MGLL: variants seen among roughly 807,000 people sequenced by gnomAD.
MGLL encodes monoglyceride lipase.
MGLL carries 7 observed loss-of-function variants against 29.1 expected under a neutral mutation model. The observed-to-expected ratio is 0.24, with a 90% CI of 0.14 to 0.45. MGLL has a LOEUF of 0.45. Ranked by LOEUF, MGLL falls within the 20% of genes least tolerant of loss-of-function variation. The pLI is 0.99. For synonymous variants in MGLL, 148 were observed against 168.3 expected (o/e 0.88, Z 0.93); for missense variants, 356 against 413.6 (o/e 0.86, Z 1.21).
chr3:127,806,725 C>A (rs1464184452), intron 2 of MGLL, among the ~76,000 whole-genome samples: 1 of 151,848 alleles, frequency 6.6e-6, no homozygotes, highest in Non-Finnish European at 1.5e-5. Context: ...GAATGGATGG[C>A]TGGATAAATA....
intron 3 of MGLL, among the ~76,000 whole-genome samples, chr3:127,726,156 GAAAGAAAGAAAGAAAGAAAGAAAGAAAGA>G (rs1361816650): frequency 2.3e-4 from 6 of 25,772 alleles, no homozygotes; most frequent in South Asian, 8.6e-4. Context: ...AAGAAAGAAA[GAAAGAAAGAAAGAAAGAAAGAAAGAAAGA>G]AAAGAAAAGA....
At chr3:127,806,261 C>T (rs975346704) in intron 2 of MGLL, among the ~76,000 whole-genome samples, 7 of 152,370 alleles carry the variant, frequency 4.6e-5, no homozygotes, top group African/African-American at 1.7e-4. Flanking sequence ...GCTGTGAGCC[C>T]TTGGAAGGCA....
At position 127,722,519 on chromosome 3, in the gene MGLL, G is replaced by A. The variant is rs1227425924; in HGVS notation, c.310C>T (p.His104Tyr). 1 of 1,614,216 alleles carries A rather than the reference G, an allele frequency of 6.2e-7. No homozygotes were observed. Among genetic ancestry groups the A allele is most frequent in the Non-Finnish European group, 8.5e-7 (1 of 1,180,044 alleles). ...EGERMVVSDF[H>Y]VFVRDVLQHV... The stretch of plus-strand genomic sequence containing the variant: ...TGCAACACATCCCTGACGAAAACGT[G>A]GAAGTCAGACACTACCATCCTCTCC... The change falls in exon 4 of 8, where the codon CAC (histidine) becomes TAC (tyrosine). Residue 104 changes from histidine to tyrosine, a missense_variant. His to Tyr is a moderately conservative substitution (Grantham distance 83, BLOSUM62 2). Coordinates refer to ENST00000265052, the MANE Select transcript of MGLL (RefSeq NM_007283.7).
chr3:127,784,861 A>G (rs2077186662), intron 2 of MGLL, among the ~76,000 whole-genome samples: 1 of 152,156 alleles, frequency 6.6e-6, no homozygotes, highest in South Asian at 2.1e-4. Context: ...GCAAAGCGAA[A>G]TCAAATCATG....
At chr3:127,758,406 G>A (rs2076701495) in intron 3 of MGLL, among the ~76,000 whole-genome samples, 1 of 152,268 alleles carries the variant, frequency 6.6e-6, no homozygotes, top group South Asian at 2.1e-4. Flanking sequence ...CATGCCTGGA[G>A]TTGGTAACTG....
rs570578602 is a variant in MGLL, at chr3:127,721,834, T to C, written c.399+596A>G. Among the ~76,000 whole-genome samples, 5 of 147,150 alleles carry C rather than the reference T, an allele frequency of 3.4e-5. No homozygotes were observed. The South Asian group carries it at 1.1e-3, about 32-fold the overall frequency. On this transcript the variant is annotated intron_variant, in intron 4 of 7. Transcript: ENST00000265052. ...AGGCCTTCAAATTCAAGCAGTTCAA[T>C]ATATCTTGGTCAGCCAACCAGCCTG...
At chr3:127,744,835 G>A (rs917958170) in intron 3 of MGLL, among the ~76,000 whole-genome samples, 10 of 152,264 alleles carry the variant, frequency 6.6e-5, no homozygotes, top group African/African-American at 2.2e-4. Context: ...CAAAGGAGTC[G>A]GAAACAATAT....
intron 3 of MGLL, among the ~76,000 whole-genome samples, chr3:127,779,196 G>A (rs991342564): frequency 7.9e-5 from 12 of 152,036 alleles, no homozygotes; most frequent in Non-Finnish European, 1.6e-4. Context: ...TGAAACCCCT[G>A]TCTCTACCAA....
At chr3:127,777,149 A>G (rs1371471903) in intron 3 of MGLL, among the ~76,000 whole-genome samples, 1 of 152,210 alleles carries the variant, frequency 6.6e-6, no homozygotes, top group Non-Finnish European at 1.5e-5. Flanking sequence ...CCCAATTAGG[A>G]ACTTCAACCA....
In MGLL at chr3:127,753,981, G is replaced by A. The variant is rs143634572; in HGVS notation, c.262+27808C>T. On this transcript the variant is annotated intron_variant, in intron 3 of 7. Coordinates refer to ENST00000265052, the MANE Select transcript of MGLL (RefSeq NM_007283.7). ...GGGGTCACTTCCTCCCACCAGCCTC[G>A]TCACAGCTGTCAGCGCCCTGCACTC... 8.2e-3 allele frequency among the ~76,000 whole-genome samples: 1,252 copies of A among 152,290 alleles called. 13 individuals carry two copies. The highest frequency in any genetic ancestry group is 0.028 in the African/African-American group (1,166 of 41,570).
At chr3:127,786,568 A>G (rs559349379) in intron 2 of MGLL, among the ~76,000 whole-genome samples, 3 of 152,372 alleles carry the variant, frequency 2.0e-5, no homozygotes, top group Non-Finnish European at 2.9e-5. Flanking sequence ...ACAGCTCCCA[A>G]TAAAGCACAC....
intron 3 of MGLL, among the ~76,000 whole-genome samples, chr3:127,723,219 C>T (rs2075966591): frequency 6.6e-6 from 1 of 152,238 alleles, no homozygotes; most frequent in Non-Finnish European, 1.5e-5. Flanking sequence ...CACTTTCTCC[C>T]TCTTTGAAGG....
intron 3 of MGLL, among the ~76,000 whole-genome samples, chr3:127,767,217 G>C (rs1487269084): frequency 2.0e-5 from 3 of 152,086 alleles, no homozygotes; most frequent in African/African-American, 7.2e-5. Context: ...CTGTCATGGA[G>C]CCTGGATTTA....
intron 3 of MGLL, among the ~76,000 whole-genome samples, chr3:127,773,015 G>A (rs980229977): frequency 3.9e-5 from 6 of 152,312 alleles, no homozygotes; most frequent in African/African-American, 1.4e-4. Flanking sequence ...ACCCAGTCTA[G>A]AGTGTTCTGT....
In MGLL at chr3:127,789,636, T is replaced by C. The variant is rs143703416; in HGVS notation, c.156-7741A>G. Among the ~76,000 whole-genome samples, 134 of 151,182 alleles carry C rather than the reference T, an allele frequency of 8.9e-4. 3 individuals carry two copies. In the East Asian group the frequency reaches 0.025, roughly 29 times the overall value. On this transcript the variant is annotated intron_variant, in intron 2 of 7. Coordinates refer to ENST00000265052, the MANE Select transcript of MGLL (RefSeq NM_007283.7). Reference sequence around the variant, plus strand: ...TCACTTGAGCCCGGGAGGTGGAGGCTACAGTGAGTCATGATCACGCCACTG... The same window carrying C: ...TCACTTGAGCCCGGGAGGTGGAGGCCACAGTGAGTCATGATCACGCCACTG...
At chr3:127,696,812 C>T (rs2075376853) in intron 6 of MGLL, among the ~76,000 whole-genome samples, 1 of 151,510 alleles carries the variant, frequency 6.6e-6, no homozygotes, top group Admixed American at 6.6e-5. Flanking sequence ...GGTCAGAGAG[C>T]ATGTGGGGAC....
chr3:127,765,888 G>A (rs1027428219), intron 3 of MGLL, among the ~76,000 whole-genome samples: 2 of 152,236 alleles, frequency 1.3e-5, no homozygotes, highest in African/African-American at 4.8e-5. Flanking sequence ...TGACTAATGT[G>A]TGGTGAGGAG....
intron 3 of MGLL, among the ~76,000 whole-genome samples, chr3:127,751,809 G>T (rs927840631): frequency 5.9e-5 from 9 of 152,122 alleles, no homozygotes; most frequent in Admixed American, 3.9e-4. Flanking sequence ...GTCCCTCAGA[G>T]AATTTCATTT....
intron 3 of MGLL, among the ~76,000 whole-genome samples, chr3:127,772,203 C>T (rs2076960570): frequency 1.3e-5 from 2 of 152,210 alleles, no homozygotes; most frequent in African/African-American, 2.4e-5. Flanking sequence ...TGCAGACTTG[C>T]CAAGGCCGCA....
Sources: allele counts gnomAD v4.1 joint callset (sites outside exome capture counted in the v4.1 genomes callset), GRCh38; gene constraint gnomAD v4.1.1; transcripts MANE v1.5; gene names NCBI Gene and HGNC (gene_info 2026-07-23, HGNC 2026-07-21).